Variants in HS6ST3 observed in about 807,000 individuals in gnomAD.
The protein encoded by HS6ST3 is heparan-sulfate 6-O-sulfotransferase 3.
A neutral mutation model predicts 36.7 loss-of-function variants in HS6ST3; 12 were observed. The ratio of observed to expected loss-of-function variants is 0.33; its 90% CI spans 0.21 to 0.53. The LOEUF (loss-of-function observed/expected upper bound fraction) is 0.53. Among genes scored for constraint, HS6ST3 ranks in the 20% least tolerant of loss-of-function variants. HS6ST3 has a pLI of 0.95. For missense variants in HS6ST3, 584 were observed against 640.9 expected (o/e 0.91, Z 0.96); for synonymous variants, 240 against 257.5 (o/e 0.93, Z 0.65).
intron 1 of HS6ST3, among the ~76,000 whole-genome samples, chr13:96,309,005 A>G (rs987793028): frequency 6.6e-6 from 1 of 152,174 alleles, no homozygotes; most frequent in African/African-American, 2.4e-5. Flanking sequence ...AAATATTTAC[A>G]TAGACTTCAA....
chr13:96,365,999 A>T (rs1469529106), intron 1 of HS6ST3, among the ~76,000 whole-genome samples: 1 of 152,118 alleles, frequency 6.6e-6, no homozygotes, highest in African/African-American at 2.4e-5. Flanking sequence ...ATCCTTAGAA[A>T]CTCTAAGGCA....
intron 1 of HS6ST3, among the ~76,000 whole-genome samples, chr13:96,524,564 G>T (rs543564012): frequency 6.6e-6 from 1 of 152,192 alleles, no homozygotes; most frequent in African/African-American, 2.4e-5. Context: ...GCATAGAACC[G>T]TCTGCTCAAG....
intron 1 of HS6ST3, among the ~76,000 whole-genome samples, chr13:96,719,690 G>A (rs1875796999): frequency 6.6e-6 from 1 of 152,146 alleles, no homozygotes; most frequent in Admixed American, 6.5e-5. Flanking sequence ...TCTTTCCACA[G>A]GTTTATGATG....
chr13:96,483,400 A>C (rs1161305006), intron 1 of HS6ST3, among the ~76,000 whole-genome samples: 3 of 152,148 alleles, frequency 2.0e-5, no homozygotes, highest in African/African-American at 4.8e-5. Context: ...CTTAGAGAAC[A>C]AGAGGGCAGT....
rs191220349 is a variant in HS6ST3 at position 96,204,379 on chromosome 13, C to T, written c.707+112810C>T. ...AAATTCTTAGATACTTACAAAGAGA[C>T]TTAGACTCCCATAAAATAATAGTGG... On this transcript the variant is annotated intron_variant, in intron 1 of 1. Transcript: ENST00000376705. Among the ~76,000 whole-genome samples, 481 of 152,262 alleles carry T rather than the reference C, an allele frequency of 3.2e-3. 1 individual carries two copies. The highest frequency in any genetic ancestry group is 5.1e-3 in the Non-Finnish European group (345 of 67,994).
intron 1 of HS6ST3, among the ~76,000 whole-genome samples, chr13:96,316,011 A>T (rs1188601044): frequency 1.3e-5 from 2 of 152,180 alleles, no homozygotes; most frequent in Non-Finnish European, 2.9e-5. Flanking sequence ...TTGTATTTTT[A>T]AAAATAATCA....
At chr13:96,273,262 T>C (rs928978678) in intron 1 of HS6ST3, among the ~76,000 whole-genome samples, 15 of 151,964 alleles carry the variant, frequency 9.9e-5, no homozygotes, top group Admixed American at 9.2e-4. Context: ...GAATCATTGA[T>C]AAAAAATAAT....
chr13:96,396,229 G>A (rs1366209344), intron 1 of HS6ST3, among the ~76,000 whole-genome samples: 6 of 151,968 alleles, frequency 3.9e-5, no homozygotes, highest in Admixed American at 1.3e-4. Context: ...CAGGAGAATC[G>A]CTTGAGCCCA....
At chr13:96,325,015 C>T (rs922182292) in intron 1 of HS6ST3, among the ~76,000 whole-genome samples, 7 of 152,124 alleles carry the variant, frequency 4.6e-5, no homozygotes, top group Non-Finnish European at 8.8e-5. Flanking sequence ...GTTTAAATCG[C>T]AGAGCTTTAG....
At chr13:96,827,717 C>T (rs1878679944) in intron 1 of HS6ST3, among the ~76,000 whole-genome samples, 1 of 152,164 alleles carries the variant, frequency 6.6e-6, no homozygotes, top group African/African-American at 2.4e-5. Context: ...TATCATCCTA[C>T]AATTTGGCTA....
chr13:96,423,344 T>G (rs2055570307), intron 1 of HS6ST3, among the ~76,000 whole-genome samples: 1 of 152,074 alleles, frequency 6.6e-6, no homozygotes, highest in Non-Finnish European at 1.5e-5. Context: ...CAAAAAAAGT[T>G]TCTTTCCTTG....
chr13:96,091,136 G>T lies in HS6ST3; in HGVS notation c.274G>T (p.Asp92Tyr). 2.0e-6 allele frequency: 3 copies of T among 1,497,574 alleles called. No homozygotes were observed. The highest frequency in any genetic ancestry group is 2.7e-6 in the Non-Finnish European group (3 of 1,124,320). 92.8% of individuals were successfully genotyped at this position (1,497,574 alleles called of 1,614,324 possible). Reference protein sequence around the residue: ...PRGAAAPEEEDEEPGDPREGE... With the variant: ...PRGAAAPEEEYEEPGDPREGE... ...GGGGGCCGCGGCGCCGGAGGAGGAG[G>T]ACGAGGAGCCCGGAGACCCCCGGGA... Residue 92 changes from aspartate (D) to tyrosine (Y), a missense_variant, in exon 1 of 2, where the codon GAC (aspartate) becomes TAC (tyrosine). Around this residue, in one of 3 missense-constraint regions of HS6ST3, gnomAD observed 217 missense variants for 205.4 expected, o/e 1.06. Transcript: ENST00000376705.
chr13:96,297,850 C>G (rs746092008), intron 1 of HS6ST3, among the ~76,000 whole-genome samples: 8 of 152,256 alleles, frequency 5.3e-5, no homozygotes, highest in African/African-American at 1.9e-4. Flanking sequence ...TAACAATTTA[C>G]TGCTAATTCA....
chr13:96,196,439 G>A (rs866834129), intron 1 of HS6ST3, among the ~76,000 whole-genome samples: 10 of 152,182 alleles, frequency 6.6e-5, no homozygotes, highest in Middle Eastern at 3.4e-3. Context: ...AGACAGGAGG[G>A]GAAAGGTACT....
chr13:96,462,308 T>G (rs1356011243), intron 1 of HS6ST3, among the ~76,000 whole-genome samples: 1 of 152,172 alleles, frequency 6.6e-6, no homozygotes, highest in African/African-American at 2.4e-5. Context: ...TGGCCTCAAG[T>G]GATCCTCCTA....
chr13:96,326,990 T>A (rs1412255709), intron 1 of HS6ST3, among the ~76,000 whole-genome samples: 2 of 148,764 alleles, frequency 1.3e-5, no homozygotes, highest in East Asian at 3.9e-4. Flanking sequence ...TTGAGAAGTG[T>A]CTGTTCATGT....
intron 1 of HS6ST3, among the ~76,000 whole-genome samples, chr13:96,512,938 G>A (rs975647674): frequency 6.6e-5 from 10 of 151,508 alleles, no homozygotes; most frequent in Middle Eastern, 6.8e-3. Context: ...CAGGAGGAGC[G>A]ATAGTATTGC....
chr13:96,208,274 T>C (rs1432807543), intron 1 of HS6ST3, among the ~76,000 whole-genome samples: 2 of 152,196 alleles, frequency 1.3e-5, no homozygotes, highest in Admixed American at 1.3e-4. Flanking sequence ...AATTATTCTT[T>C]TAATGATTAC....
intron 1 of HS6ST3, among the ~76,000 whole-genome samples, chr13:96,613,381 G>A (rs1371143161): frequency 6.6e-6 from 1 of 152,142 alleles, no homozygotes; most frequent in Non-Finnish European, 1.5e-5. Context: ...ATTTGTGGTA[G>A]GCCTGGGACT....
Sources: allele counts gnomAD v4.1 joint callset (sites outside exome capture counted in the v4.1 genomes callset), GRCh38; gene constraint gnomAD v4.1.1; regional missense constraint gnomAD v4.1.1; transcripts MANE v1.5; gene names NCBI Gene and HGNC (gene_info 2026-07-23, HGNC 2026-07-21).